Variants in ARHGAP28 observed in about 807,000 individuals in gnomAD.
The protein encoded by ARHGAP28 is Rho GTPase activating protein 28, also known as rho GTPase-activating protein 28.
In ARHGAP28, 56 loss-of-function variants were observed where a neutral mutation model predicts 90.7. The observed-to-expected ratio is 0.62, with a 90% CI of 0.50 to 0.77. The LOEUF (loss-of-function observed/expected upper bound fraction) is 0.77, where lower values mean the gene tolerates loss of function less well. ARHGAP28 is among the 30% of genes least tolerant of loss of function. The pLI is 0.00. For synonymous variants in ARHGAP28, 308 were observed against 323.3 expected, an observed-to-expected ratio of 0.95 and a Z score of 0.51; for missense variants, 869 against 900.9, an observed-to-expected ratio of 0.96 and a Z score of 0.45.
chr18:6,848,135 C>A (rs2056881064), intron 3 of ARHGAP28, among the ~76,000 whole-genome samples: 2 of 152,122 alleles, frequency 1.3e-5, no homozygotes, highest in Non-Finnish European at 2.9e-5. Flanking sequence ...AGTTTAGGAT[C>A]CATGAGCCAG....
chr18:6,858,076 C>T (rs896969993), intron 4 of ARHGAP28, among the ~76,000 whole-genome samples: 1 of 152,160 alleles, frequency 6.6e-6, no homozygotes, highest in African/African-American at 2.4e-5. Context: ...GGAGTTCCTT[C>T]TCTCTTAGAC....
chr18:6,851,911 G>A (rs922601037), intron 4 of ARHGAP28, among the ~76,000 whole-genome samples: 7 of 152,118 alleles, frequency 4.6e-5, no homozygotes, highest in African/African-American at 1.7e-4. Flanking sequence ...GGGAGAGAAC[G>A]AGAGATTCAA....
At chr18:6,778,372 G>A (rs1371735338) in intron 1 of ARHGAP28, among the ~76,000 whole-genome samples, 1 of 152,090 alleles carries the variant, frequency 6.6e-6, no homozygotes, top group Non-Finnish European at 1.5e-5. Context: ...ATTCTCTTGT[G>A]GTGCCCTCTT....
intron 16 of ARHGAP28, chr18:6,897,877 A>G (rs2057315488): frequency 6.7e-6 from 1 of 149,832 alleles, no homozygotes; most frequent in African/African-American, 2.4e-5. Context: ...ACCCTCTATA[A>G]AATTCTACTG....
chr18:6,876,157 T>C lies in ARHGAP28; in HGVS notation c.1239T>C (p.Gly413=). 3.7e-6 allele frequency: 6 copies of C among 1,614,034 alleles called. No individual in the cohort carries two copies. Among genetic ancestry groups the C allele is most frequent in the Non-Finnish European group, 5.1e-6 (6 of 1,179,948 alleles). Residue 413 remains glycine, a synonymous_variant, in exon 10 of 18, where the codon GGT becomes GGC. Coordinates refer to ENST00000383472, the MANE Select transcript of ARHGAP28 (RefSeq NM_001366230.1). The part of the protein sequence containing the change: ...QKFFEKVEES[G]LESEGIFRLS... The stretch of plus-strand genomic sequence containing the variant: ...TTTTTGAGAAAGTTGAGGAATCAGG[T>C]CTGGAATCTGAAGGAATTTTTCGAC...
intron 1 of ARHGAP28, among the ~76,000 whole-genome samples, chr18:6,736,068 G>A (rs937031513): frequency 2.6e-5 from 4 of 152,102 alleles, no homozygotes; most frequent in Non-Finnish European, 5.9e-5. Context: ...TTGAGACTGT[G>A]GAAATATCCT....
intron 1 of ARHGAP28, among the ~76,000 whole-genome samples, chr18:6,798,132 T>G (rs935166442): frequency 6.6e-6 from 1 of 152,188 alleles, no homozygotes; most frequent in Non-Finnish European, 1.5e-5. Context: ...TGGAGATTCA[T>G]ATGCAAAAAA....
intron 1 of ARHGAP28, among the ~76,000 whole-genome samples, chr18:6,777,162 A>C (rs1177382407): frequency 2.6e-5 from 4 of 152,196 alleles, no homozygotes; most frequent in Admixed American, 2.6e-4. Flanking sequence ...ATATATTATA[A>C]ACTTGAACAC....
intron 4 of ARHGAP28, among the ~76,000 whole-genome samples, chr18:6,859,479 G>A (rs1022740638): frequency 3.3e-5 from 5 of 152,108 alleles, no homozygotes; most frequent in African/African-American, 1.2e-4. Flanking sequence ...TGTCGGCCAC[G>A]TGACCCCTCT....
In ARHGAP28 at chr18:6,894,865, CA is replaced by C. The variant is rs760858176; in HGVS notation, c.1884del (p.Lys628AsnfsTer71). 14 of 1,613,942 alleles carry C rather than the reference CA, an allele frequency of 8.7e-6. No individual in the cohort carries two copies. The highest frequency in any genetic ancestry group is 1.2e-5 in the Non-Finnish European group (14 of 1,180,008). ...TASPKTSKVL[Q>X]KSPSARRMSD... ...AAGCCCCAAGACTTCAAAGGTACTG[CA>C]AAAATCACCCTCGGCAAGACGAATG... is the stretch of plus-strand genomic sequence containing the variant. On this transcript the variant is annotated frameshift_variant, in exon 15 of 18. Transcript: ENST00000383472. LOFTEE classifies it high-confidence loss of function.
intron 4 of ARHGAP28, among the ~76,000 whole-genome samples, chr18:6,857,785 C>A (rs1316909682): frequency 6.6e-6 from 1 of 152,206 alleles, no homozygotes; most frequent in Non-Finnish European, 1.5e-5. Context: ...GCTCACCGGG[C>A]CTCTAAAGTT....
At chr18:6,791,340 C>T (rs1427235195) in intron 1 of ARHGAP28, 1 of 152,186 alleles carries the variant, frequency 6.6e-6, no homozygotes, top group East Asian at 1.9e-4. Context: ...AAGGGTGGAT[C>T]TGCCTTCCCC....
At chr18:6,841,203 C>CTCCTCTCTCACTGTCT (rs754874496) in intron 3 of ARHGAP28, among the ~76,000 whole-genome samples, 1 of 41,972 alleles carries the variant, frequency 2.4e-5, no homozygotes, top group Admixed American at 2.9e-4. Flanking sequence ...CTCTCTCTCT[C>CTCCTCTCTCACTGTCT]CTCTCCTCTC....
intron 2 of ARHGAP28, among the ~76,000 whole-genome samples, chr18:6,832,897 C>CT (rs1156283523): frequency 6.6e-6 from 1 of 152,030 alleles, no homozygotes; most frequent in Non-Finnish European, 1.5e-5. Context: ...TCATCCATAA[C>CT]TTATCATAGT....
chr18:6,827,952 G>A (rs1220537388), intron 2 of ARHGAP28, among the ~76,000 whole-genome samples: 7 of 151,936 alleles, frequency 4.6e-5, no homozygotes, highest in Non-Finnish European at 7.4e-5. Flanking sequence ...ACGGGGTGGC[G>A]GCCGGGCAGA....
intron 15 of ARHGAP28, 116 bp from the exon 16 acceptor site, chr18:6,896,386 T>C: frequency 8.5e-7 from 1 of 1,179,294 alleles, no homozygotes; most frequent in East Asian, 2.4e-5. Context: ...ATGTTGATCA[T>C]AGTGATGTGT....
chr18:6,737,205 C>A (rs928163607), intron 1 of ARHGAP28, among the ~76,000 whole-genome samples: 32 of 152,086 alleles, frequency 2.1e-4, no homozygotes, highest in African/African-American at 6.8e-4. Context: ...TGTTTTTAAG[C>A]CTCTTTGGAT....
chr18:6,843,603 A>T (rs1427821940), intron 3 of ARHGAP28, among the ~76,000 whole-genome samples: 1 of 152,218 alleles, frequency 6.6e-6, no homozygotes, highest in Non-Finnish European at 1.5e-5. Context: ...ACGTTTAAAA[A>T]GACATCTCTT....
chr18:6,826,064 C>T (rs1280399390), intron 2 of ARHGAP28, among the ~76,000 whole-genome samples: 2 of 151,786 alleles, frequency 1.3e-5, no homozygotes, highest in African/African-American at 2.4e-5. Context: ...CTAATTTACA[C>T]TCCCACCAAC....
Sources: gnomAD v4.1 joint callset for allele counts (sites outside exome capture counted in the v4.1 genomes callset) on GRCh38, gnomAD v4.1.1 for gene constraint, MANE v1.5 for transcripts, NCBI Gene and HGNC (gene_info 2026-07-23, HGNC 2026-07-21) for gene names.